The following RPAIN variants were observed in gnomAD, a reference collection of about 807,000 sequenced individuals.
The protein encoded by RPAIN is RPA-interacting protein.
RPAIN carries 29 observed loss-of-function variants against 30.5 expected under a neutral mutation model. The observed-to-expected ratio is 0.95, with a 90% CI of 0.71 to 1.30. The LOEUF is 1.30. Ranked by LOEUF, RPAIN falls within the 50% of genes most tolerant of loss-of-function variation. RPAIN has a pLI of 0.00. For missense variants in RPAIN, 247 were observed against 264.7 expected, an observed-to-expected ratio of 0.93 and a Z score of 0.46; for synonymous variants, 101 against 93.5, an observed-to-expected ratio of 1.08 and a Z score of -0.46.
chr17:5,431,581 TCCA>T (rs200865402), intron 6 of RPAIN: 7,500 of 456,282 alleles, frequency 0.016, 136 homozygotes, highest in South Asian at 0.04. Flanking sequence ...ATGCTCTAGT[TCCA>T]CTAGACCTTT....
At chr17:5,426,584 C>A in intron 5 of RPAIN, 5 of 311,404 alleles carry the variant, frequency 1.6e-5, no homozygotes, top group Non-Finnish European at 2.4e-5. Flanking sequence ...TCTGACGTTT[C>A]ATAAAAATTT....
rs1342939936 is a variant in RPAIN, at chr17:5,423,202, G to A, written c.313+373G>A. The A allele has an allele frequency of 2.3e-5, 4 of 174,224 alleles. No individual in the cohort carries two copies. The East Asian group carries it at 7.0e-4, about 31-fold the overall frequency. The allele number at this position is 174,224 out of a possible 1,614,324, so 10.8% of individuals were successfully genotyped here. ...GTTCCCATGTTTCTTCTACCATCCTGCCTCTCTATTAATGGGTTAATAGTT... is the reference window on the plus strand; with the variant it reads ...GTTCCCATGTTTCTTCTACCATCCTACCTCTCTATTAATGGGTTAATAGTT... On this transcript the variant is annotated intron_variant, in intron 3 of 6. Coordinates refer to ENST00000381209, the MANE Select transcript of RPAIN (RefSeq NM_001033002.4).
intron 3 of RPAIN, among the ~76,000 whole-genome samples, chr17:5,423,511 C>T: frequency 6.6e-6 from 1 of 152,042 alleles, no homozygotes; most frequent in East Asian, 1.9e-4. Context: ...GAGGGAGACC[C>T]TGTCACTTTA....
At chr17:5,429,064 A>G in intron 6 of RPAIN, 7 of 984,952 alleles carry the variant, frequency 7.1e-6, no homozygotes, top group Non-Finnish European at 8.4e-6. Flanking sequence ...TAAAAAAAAA[A>G]TGAATTGAGG....
intron 6 of RPAIN, chr17:5,428,608 G>A (rs371918962): frequency 1.0e-6 from 1 of 969,968 alleles, no homozygotes; most frequent in African/African-American, 1.7e-5. Context: ...GTCTGTCAGT[G>A]GAGTTTTTAC....
Position 5,426,241 on chromosome 17 carries a change from A to G in RPAIN, c.431A>G (p.Asn144Ser). 6.2e-7 allele frequency: 1 copy of G among 1,614,066 alleles called. No homozygotes were observed. Among genetic ancestry groups the G allele is most frequent in the Non-Finnish European group, 8.5e-7 (1 of 1,179,950 alleles). ...PLICPVCTKY[N>S]LRITSGVVVC... ...GATCCTAATTCTGCTTCTAGGTACA[A>G]CCTGAGAATCACAAGCGGTGTGGTG... Residue 144 changes from asparagine to serine, a missense_variant, in exon 5 of 7, where the codon AAC becomes AGC. Transcript: ENST00000381209.
In RPAIN at chr17:5,421,335, C is replaced by T; in HGVS notation, c.121C>T (p.Leu41=). The part of the protein sequence containing the change: ...ERMRNSRDRL[L]NRYRQAGSSG... ...AATGAGAAACAGCCGGGACAGGCTC[C>T]TAAACAGGTACCGCCAGGCTGGAAG... Residue 41 remains leucine (L), a synonymous_variant, in exon 2 of 7, where the codon CTA becomes TTA. Transcript: ENST00000381209. 1.2e-6 allele frequency: 2 copies of T among 1,613,984 alleles called. No individual in the cohort carries two copies. The highest frequency in any genetic ancestry group is 1.7e-6 in the Non-Finnish European group (2 of 1,179,986).
intron 3 of RPAIN, chr17:5,425,588 A>G (rs1403082488): frequency 2.9e-6 from 1 of 350,524 alleles, no homozygotes; most frequent in Non-Finnish European, 5.5e-6. Flanking sequence ...TGCCTGCCTC[A>G]GCCTCCCAAA....
chr17:5,429,258 G>C, intron 6 of RPAIN: 5 of 985,458 alleles, frequency 5.1e-6, no homozygotes, highest in Non-Finnish European at 6.0e-6. Flanking sequence ...TGGCCTTGAA[G>C]CATGGAATCG....
At position 5,421,439 on chromosome 17, in the gene RPAIN, G is replaced by A. The variant is rs753582700; in HGVS notation, c.225G>A (p.Val75=). The change falls in exon 2 of 7, where the codon GTG becomes GTA. Residue 75 remains valine (V), a synonymous_variant. Transcript: ENST00000381209. ...AAGAGTGGAATGCTTTGCAGTCAGT[G>A]GAGAATTGTCCAGAAGACTTGGCTC... ...MEEEWNALQS[V]ENCPEDLAQL... is the part of the protein sequence containing the mutation. The A allele has an allele frequency of 6.2e-7, 1 of 1,614,034 alleles. No homozygotes were observed. Among genetic ancestry groups the A allele is most frequent in the Non-Finnish European group, 8.5e-7 (1 of 1,180,004 alleles).
chr17:5,432,180 G>A (rs1001988006), intron 6 of RPAIN: 16 of 249,996 alleles, frequency 6.4e-5, no homozygotes, highest in Non-Finnish European at 2.3e-5. Flanking sequence ...TGTAGATTTG[G>A]AGTCTCATCT....
intron 6 of RPAIN, chr17:5,432,007 G>T: frequency 3.8e-6 from 1 of 266,628 alleles, no homozygotes; most frequent in Non-Finnish European, 7.3e-6. Context: ...ATGGGTTAAG[G>T]ACAGACTGGA....
intron 6 of RPAIN, 91 bp downstream of exon 6, chr17:5,428,302 T>G: frequency 6.3e-7 from 1 of 1,593,902 alleles, no homozygotes; most frequent in South Asian, 1.1e-5. Context: ...TATAAACAGG[T>G]AAATGTTTAA....
At chr17:5,431,157 G>C (rs950309174) in intron 6 of RPAIN, 1 of 320,574 alleles carries the variant, frequency 3.1e-6, no homozygotes, top group Non-Finnish European at 6.0e-6. Context: ...GAAGACCATT[G>C]TTGGGTAAGT....
intron 2 of RPAIN, among the ~76,000 whole-genome samples, chr17:5,422,112 G>A (rs774796397): frequency 6.6e-6 from 1 of 152,172 alleles, no homozygotes; most frequent in Non-Finnish European, 1.5e-5. Context: ...AGCCATGTGT[G>A]GAAGGGAAAA....
At chr17:5,429,096 C>T (rs1276365182) in intron 6 of RPAIN, 1 of 984,760 alleles carries the variant, frequency 1.0e-6, no homozygotes, top group Non-Finnish European at 1.2e-6. Flanking sequence ...TTGAGAAATA[C>T]ACATCTCTCA....
chr17:5,425,195 T>C (rs1439374131), intron 3 of RPAIN: 2 of 402,630 alleles, frequency 5.0e-6, no homozygotes, highest in Non-Finnish European at 9.8e-6. Flanking sequence ...ATGACAGTCT[T>C]TTTCATCTTT....
intron 6 of RPAIN, chr17:5,432,317 T>G: frequency 2.0e-6 from 1 of 511,042 alleles, no homozygotes; most frequent in Non-Finnish European, 3.5e-6. Flanking sequence ...TTGAAGACTA[T>G]TGATGCTGAT....
chr17:5,431,483 T>TAAAAAAAAAA (rs1236153738), intron 6 of RPAIN: 1 of 209,638 alleles, frequency 4.8e-6, no homozygotes, highest in East Asian at 7.8e-4. Flanking sequence ...AGATTGTGCC[T>TAAAAAAAAAA]TAAAAAAAAA....
Sources: gnomAD v4.1 joint callset for allele counts (sites outside exome capture counted in the v4.1 genomes callset) on GRCh38, gnomAD v4.1.1 for gene constraint, MANE v1.5 for transcripts, NCBI Gene and HGNC (gene_info 2026-07-23, HGNC 2026-07-21) for gene names.